Variants in NCKAP5 observed in about 807,000 individuals in gnomAD.
The protein encoded by NCKAP5 is nck-associated protein 5.
A neutral mutation model predicts 167.0 loss-of-function variants in NCKAP5; 92 were observed. The observed-to-expected ratio is 0.55, with a 90% CI of 0.47 to 0.66. The LOEUF (loss-of-function observed/expected upper bound fraction) is 0.66. NCKAP5 is among the 30% of genes least tolerant of loss of function. The pLI is 0.00. For missense variants in NCKAP5, 2,378 were observed against 2,315.0 expected (o/e 1.03, Z -0.56); for synonymous variants, 891 against 877.4 (o/e 1.02, Z -0.27).
intron 7 of NCKAP5, among the ~76,000 whole-genome samples, chr2:132,976,256 G>C (rs1030659789): frequency 6.6e-6 from 1 of 152,056 alleles, no homozygotes; most frequent in Admixed American, 6.6e-5. Context: ...TACTGGTCAA[G>C]GGATACAAAA....
intron 6 of NCKAP5, among the ~76,000 whole-genome samples, chr2:133,028,973 C>T (rs1053725028): frequency 2.0e-5 from 3 of 152,174 alleles, no homozygotes; most frequent in African/African-American, 4.8e-5. Flanking sequence ...TCCCCCTTTG[C>T]CTTCCGCCAT....
At chr2:133,672,400 T>A in the NCKAP5 span, among the ~76,000 whole-genome samples, 12,372 of 152,250 alleles carry the variant, frequency 0.081, 594 homozygotes, top group African/African-American at 0.12. Context: ...AGCACAAAAA[T>A]TAAGAATAAA....
the NCKAP5 span, among the ~76,000 whole-genome samples, chr2:133,660,517 T>C: frequency 0.014 from 2,207 of 152,328 alleles, 58 homozygotes; most frequent in African/African-American, 0.05. Flanking sequence ...CCCTCTTTTA[T>C]ATACTTTGTG....
At chr2:133,564,156 TG>T (rs1453595795) in intron 1 of NCKAP5, among the ~76,000 whole-genome samples, 1 of 151,764 alleles carries the variant, frequency 6.6e-6, no homozygotes, top group Non-Finnish European at 1.5e-5. Context: ...AAGTACGTGC[TG>T]TGGGTTCAAA....
chr2:132,719,081 AT>A (rs1227444414), intron 19 of NCKAP5, among the ~76,000 whole-genome samples: 1 of 152,174 alleles, frequency 6.6e-6, no homozygotes, highest in Non-Finnish European at 1.5e-5. Context: ...TACAAAAGCC[AT>A]TCCAGGGAGG....
intron 10 of NCKAP5, among the ~76,000 whole-genome samples, chr2:132,864,005 G>A (rs1690143763): frequency 6.6e-6 from 1 of 152,190 alleles, no homozygotes; most frequent in Non-Finnish European, 1.5e-5. Flanking sequence ...ATAAAGGAAT[G>A]CATGACTGCA....
intron 7 of NCKAP5, among the ~76,000 whole-genome samples, chr2:132,987,960 G>A (rs1397416331): frequency 6.6e-6 from 1 of 152,180 alleles, no homozygotes; most frequent in Non-Finnish European, 1.5e-5. Flanking sequence ...AATTCAGTGA[G>A]TTCATACCTG....
chr2:132,797,316 G>A (rs1255627641), intron 11 of NCKAP5, among the ~76,000 whole-genome samples: 1 of 152,126 alleles, frequency 6.6e-6, no homozygotes, highest in Non-Finnish European at 1.5e-5. Flanking sequence ...ATATTCACGT[G>A]CTGTTCAATT....
chr2:133,256,587 A>T (rs949960617), intron 4 of NCKAP5, among the ~76,000 whole-genome samples: 1 of 152,206 alleles, frequency 6.6e-6, no homozygotes, highest in Non-Finnish European at 1.5e-5. Flanking sequence ...TTTGTAGTTT[A>T]AAAAAATAGA....
At chr2:133,277,710 C>G (rs1035512559) in intron 4 of NCKAP5, among the ~76,000 whole-genome samples, 1 of 151,972 alleles carries the variant, frequency 6.6e-6, no homozygotes, top group Non-Finnish European at 1.5e-5. Context: ...GAAAGAAAAT[C>G]CAGGAAGAGA....
intron 3 of NCKAP5, among the ~76,000 whole-genome samples, chr2:133,364,381 A>G (rs1043399191): frequency 1.2e-4 from 18 of 152,206 alleles, no homozygotes; most frequent in Non-Finnish European, 7.4e-5. Flanking sequence ...AGGACTTTTT[A>G]TGCTGAACTA....
chr2:133,466,564 G>A (rs1438338888), intron 3 of NCKAP5, among the ~76,000 whole-genome samples: 3 of 152,018 alleles, frequency 2.0e-5, no homozygotes, highest in Non-Finnish European at 4.4e-5. Context: ...TTGGTAGCTT[G>A]ATGGGGATGG....
At chr2:132,732,651 C>T (rs905120690) in intron 16 of NCKAP5, among the ~76,000 whole-genome samples, 1 of 152,188 alleles carries the variant, frequency 6.6e-6, no homozygotes, top group South Asian at 2.1e-4. Flanking sequence ...ATTGTGGTCA[C>T]CCTTATTTCA....
chr2:133,573,462 G>C (rs1247748948), upstream of NCKAP5, among the ~76,000 whole-genome samples: 2 of 152,100 alleles, frequency 1.3e-5, no homozygotes, highest in Admixed American at 1.3e-4. Flanking sequence ...TGAGGGGAGA[G>C]ATGTAAAGTT....
In NCKAP5 at chr2:133,426,363, A is replaced by G. The variant is rs562717672; in HGVS notation, c.69+91095T>C. On this transcript the variant is annotated intron_variant, in intron 3 of 19. Transcript: ENST00000409261. ...TGCAGTAAAATCCAGAGGAAAATATATAGCCTTAAATGCTTTTATTTAAAA... is the reference window on the plus strand; with the variant it reads ...TGCAGTAAAATCCAGAGGAAAATATGTAGCCTTAAATGCTTTTATTTAAAA... Among the ~76,000 whole-genome samples, 45 of 150,434 alleles carry G rather than the reference A, an allele frequency of 3.0e-4. No homozygotes were observed. The South Asian group carries it at 7.2e-3, about 24-fold the overall frequency.
chr2:132,834,479 G>A (rs1687743506), intron 11 of NCKAP5, among the ~76,000 whole-genome samples: 1 of 152,066 alleles, frequency 6.6e-6, no homozygotes, highest in African/African-American at 2.4e-5. Flanking sequence ...CGAGTACCTG[G>A]GACTACAGGC....
intron 4 of NCKAP5, among the ~76,000 whole-genome samples, chr2:133,286,946 G>A (rs1679185488): frequency 1.3e-5 from 2 of 152,186 alleles, no homozygotes; most frequent in African/African-American, 4.8e-5. Context: ...TTCAATAGAA[G>A]AGGTGTCTGA....
At chr2:133,501,518 G>A (rs1323916629) in intron 3 of NCKAP5, among the ~76,000 whole-genome samples, 1 of 152,216 alleles carries the variant, frequency 6.6e-6, no homozygotes, top group Non-Finnish European at 1.5e-5. Context: ...GTCTTTAGCT[G>A]AGATTCCAGC....
chr2:132,979,484 C>T (rs990525793), intron 7 of NCKAP5, among the ~76,000 whole-genome samples: 10 of 152,096 alleles, frequency 6.6e-5, no homozygotes, highest in Non-Finnish European at 1.5e-4. Context: ...TCCCCAGCAA[C>T]GAGCTTCCTA....
Sources: gnomAD v4.1 joint callset for allele counts (sites outside exome capture counted in the v4.1 genomes callset) on GRCh38, gnomAD v4.1.1 for gene constraint, MANE v1.5 for transcripts, NCBI Gene and HGNC (gene_info 2026-07-23, HGNC 2026-07-21) for gene names.